GDAP1: variants seen among roughly 807,000 people sequenced by gnomAD.
GDAP1 encodes ganglioside-induced differentiation-associated protein 1.
GDAP1 carries 34 observed loss-of-function variants against 40.1 expected under a neutral mutation model. The observed-to-expected ratio is 0.85, with a 90% CI of 0.64 to 1.13. The LOEUF (loss-of-function observed/expected upper bound fraction) is 1.13. Among genes scored for constraint, GDAP1 ranks in the 50% most tolerant of loss-of-function variants. The pLI is 0.00. For missense variants in GDAP1, 374 were observed against 433.7 expected, an observed-to-expected ratio of 0.86 and a Z score of 1.22; for synonymous variants, 170 against 157.4, an observed-to-expected ratio of 1.08 and a Z score of -0.60.
intron 2 of GDAP1, among the ~76,000 whole-genome samples, chr8:74,388,936 C>T (rs1052610072): frequency 6.6e-6 from 1 of 152,044 alleles, no homozygotes; most frequent in African/African-American, 2.4e-5. Context: ...TTATGTAATG[C>T]CCTTCTTTGT....
chr8:74,360,307 C>A lies in GDAP1; in HGVS notation c.481C>A (p.Arg161Ser). 1 of 1,610,928 alleles carries A rather than the reference C, an allele frequency of 6.2e-7. No individual in the cohort carries two copies. Among genetic ancestry groups the A allele is most frequent in the Non-Finnish European group, 8.5e-7 (1 of 1,177,124 alleles). ...CCCGGCTTATGCAACTACAAGGATTCGTAGTATGTAAACATTTTAAAGACC... is the reference window on the plus strand; with the variant it reads ...CCCGGCTTATGCAACTACAAGGATTAGTAGTATGTAAACATTTTAAAGACC... ...MIPAYATTRI[R>S]SQIGNTESEL... is the part of the protein sequence containing the mutation. Residue 161 changes from arginine (R) to serine (S), a missense_variant, in exon 3 of 6, where the codon CGT becomes AGT. Transcript: ENST00000220822.
In GDAP1 at chr8:74,366,510, G is replaced by A; in HGVS notation, c.*2143G>A. The stretch of plus-strand genomic sequence containing the variant: ...CAATGTCAAGCTAGAGTTAAACACA[G>A]TATTAGCTAAATAGGCACTTATGTG... On this transcript the variant is annotated 3_prime_UTR_variant, in exon 6 of 6. Coordinates refer to ENST00000220822, the MANE Select transcript of GDAP1 (RefSeq NM_018972.4). The A allele has an allele frequency of 2.2e-6, 1 of 454,314 alleles. No individual in the cohort carries two copies. The highest frequency in any genetic ancestry group is 4.4e-6 in the Non-Finnish European group (1 of 226,724). 28.1% of individuals were successfully genotyped at this position (454,314 alleles called of 1,614,324 possible). A position where few individuals can be genotyped will look rare whatever the true frequency, so the allele number is the denominator to read the frequency against.
In GDAP1 at chr8:74,364,548, C is replaced by A; in HGVS notation, c.*181C>A. On this transcript the variant is annotated 3_prime_UTR_variant, in exon 6 of 6. Coordinates refer to ENST00000220822, the MANE Select transcript of GDAP1 (RefSeq NM_018972.4). ...CAATAGGACACAAAATTGCTTTATT[C>A]TACAACTGCCAGCTCCAGGCAGAAA... The A allele has an allele frequency of 1.4e-6, 1 of 710,556 alleles. No homozygotes were observed. Among genetic ancestry groups the A allele is most frequent in the Non-Finnish European group, 2.5e-6 (1 of 395,224 alleles). The allele number at this position is 710,556 out of a possible 1,614,324, so 44.0% of individuals were successfully genotyped here. A position where few individuals can be genotyped will look rare whatever the true frequency, so the allele number is the denominator to read the frequency against.
chr8:74,464,446 G>A (rs1806442175), intron 2 of GDAP1, among the ~76,000 whole-genome samples: 1 of 152,200 alleles, frequency 6.6e-6, no homozygotes, highest in South Asian at 2.1e-4. Flanking sequence ...ATTGAAATAA[G>A]AACAATGTGC....
chr8:74,362,784 C>CTTTTTTTTT (rs1284434868), intron 4 of GDAP1, among the ~76,000 whole-genome samples, 155 bp from the exon 5 acceptor site: 46 of 60,438 alleles, frequency 7.6e-4, no homozygotes, highest in African/African-American at 1.0e-3. Context: ...CTCTCTCTCT[C>CTTTTTTTTT]TTTTTTTTTT....
chr8:74,457,024 C>T (rs1806344377), intron 2 of GDAP1, among the ~76,000 whole-genome samples: 2 of 152,120 alleles, frequency 1.3e-5, no homozygotes, highest in Admixed American at 1.3e-4. Flanking sequence ...CTACCCCTTA[C>T]TTCTGTGTTC....
Position 74,363,012 on chromosome 8 carries a change from A to C in GDAP1, c.653A>C (p.Gln218Pro), listed in dbSNP as rs556827873. ...ILDELEKVLDQVETELQRRNE... is the reference protein window; with the variant it reads ...ILDELEKVLDPVETELQRRNE... ...GATGAGTTGGAGAAAGTCTTGGATC[A>C]GGTTGAAACTGAATTGCAAAGAAGA... is the stretch of plus-strand genomic sequence containing the variant. Residue 218 changes from glutamine (Q) to proline (P), a missense_variant, in exon 5 of 6, where the codon CAG becomes CCG. Coordinates refer to ENST00000220822, the MANE Select transcript of GDAP1 (RefSeq NM_018972.4). 1 of 1,580,360 alleles carries C rather than the reference A, an allele frequency of 6.3e-7. No homozygotes were observed.
intron 2 of GDAP1, among the ~76,000 whole-genome samples, chr8:74,481,678 T>C (rs1217630343): frequency 6.6e-6 from 1 of 152,212 alleles, no homozygotes; most frequent in Non-Finnish European, 1.5e-5. Flanking sequence ...TCAGATTTGC[T>C]CATTACTCTG....
chr8:74,427,824 A>G (rs1021185480), intron 2 of GDAP1, among the ~76,000 whole-genome samples: 13 of 152,328 alleles, frequency 8.5e-5, no homozygotes, highest in African/African-American at 3.1e-4. Context: ...ATCCTTTTGT[A>G]AGGTAACTTG....
intron 2 of GDAP1, among the ~76,000 whole-genome samples, chr8:74,419,305 T>C (rs1805826248): frequency 6.6e-6 from 1 of 152,184 alleles, no homozygotes; most frequent in African/African-American, 2.4e-5. Flanking sequence ...AATGATAAAC[T>C]GTGGGGTATT....
rs534293547 is a variant in GDAP1 at position 74,386,289 on chromosome 8, C to T, written c.165+34968C>T. ...ATGCCTATGTCCTGAATGGTATTGCCTAGGTTTTCCTCTAGGGTTTTTGTG... is the reference window on the plus strand; with the variant it reads ...ATGCCTATGTCCTGAATGGTATTGCTTAGGTTTTCCTCTAGGGTTTTTGTG... On this transcript the variant is annotated intron_variant, in intron 2 of 2. Coordinates refer to the GDAP1 transcript ENST00000523640. 1.3e-3 allele frequency among the ~76,000 whole-genome samples: 197 copies of T among 152,266 alleles called. 1 individual carries two copies. Among genetic ancestry groups the T allele is most frequent in the African/African-American group, 4.5e-3 (187 of 41,534 alleles).
At chr8:74,361,008 C>A (rs1404827502) in intron 3 of GDAP1, among the ~76,000 whole-genome samples, 6 of 152,100 alleles carry the variant, frequency 3.9e-5, no homozygotes, top group African/African-American at 1.2e-4. Flanking sequence ...CTTTATTATT[C>A]TTATTATTCT....
intron 5 of GDAP1, 100 bp from the exon 6 acceptor site, chr8:74,363,885 T>C: frequency 2.2e-6 from 2 of 907,656 alleles, no homozygotes; most frequent in Middle Eastern, 2.5e-4. Context: ...CATCTTTTGC[T>C]ATACTCACAC....
At chr8:74,351,605 C>T (rs1808879630) in intron 2 of GDAP1, 139 bp downstream of exon 2, 1 of 767,672 alleles carries the variant, frequency 1.3e-6, no homozygotes, top group East Asian at 2.5e-5. Context: ...TTTCCATTTC[C>T]ATAAGCACAC....
rs1300259425 is a variant in GDAP1, at chr8:74,366,746, TTTTAGTAATTA to T, written c.*2382_*2392del. 2.2e-6 allele frequency: 1 copy of T among 453,630 alleles called. No individual in the cohort carries two copies. Among genetic ancestry groups the T allele is most frequent in the Non-Finnish European group, 4.4e-6 (1 of 226,640 alleles). 28.1% of individuals were successfully genotyped at this position (453,630 alleles called of 1,614,324 possible). On this transcript the variant is annotated 3_prime_UTR_variant, in exon 6 of 6. Transcript: ENST00000220822. ...GATAGTCATAAATTGCTTGCTCAATTTTTAGTAATTATTGCTGTTGACACCAGCGTTGTAGA... is the reference window on the plus strand; with the variant it reads ...GATAGTCATAAATTGCTTGCTCAATTTTGCTGTTGACACCAGCGTTGTAGA...
intron 2 of GDAP1, among the ~76,000 whole-genome samples, chr8:74,393,250 C>G (rs931702689): frequency 6.6e-6 from 1 of 152,002 alleles, no homozygotes; most frequent in Non-Finnish European, 1.5e-5. Flanking sequence ...ACAAAAAGAA[C>G]CTGGCAATTT....
At chr8:74,372,787 A>C (rs1446751122) in intron 2 of GDAP1, among the ~76,000 whole-genome samples, 1 of 152,060 alleles carries the variant, frequency 6.6e-6, no homozygotes, top group East Asian at 1.9e-4. Context: ...TCCATTTGTC[A>C]ATTTTGGCTT....
chr8:74,358,698 GA>G (rs1221984040), intron 2 of GDAP1, among the ~76,000 whole-genome samples: 13 of 152,126 alleles, frequency 8.5e-5, no homozygotes, highest in Non-Finnish European at 1.3e-4. Flanking sequence ...TATCTTTGTA[GA>G]TCCCCCAAAC....
intron 2 of GDAP1, among the ~76,000 whole-genome samples, chr8:74,358,666 C>A (rs10093042): frequency 4.6e-5 from 7 of 151,934 alleles, no homozygotes; most frequent in Non-Finnish European, 4.4e-5. Flanking sequence ...AAGTAATTAA[C>A]GTCTTAGTAT....
Sources: gnomAD v4.1 joint callset for allele counts (sites outside exome capture counted in the v4.1 genomes callset) on GRCh38, gnomAD v4.1.1 for gene constraint, MANE v1.5 for transcripts, NCBI Gene and HGNC (gene_info 2026-07-23, HGNC 2026-07-21) for gene names.